COL6A1: variants seen among roughly 807,000 people sequenced by gnomAD.
COL6A1 encodes collagen type VI alpha 1 chain.
A neutral mutation model predicts 145.6 loss-of-function variants in COL6A1; 80 were observed. The ratio of observed to expected loss-of-function variants is 0.55; its 90% CI spans 0.46 to 0.66. The LOEUF (loss-of-function observed/expected upper bound fraction) is 0.66, where lower values mean the gene tolerates loss of function less well. COL6A1 is among the 30% of genes least tolerant of loss of function. The pLI is 0.00. For missense variants in COL6A1, 1,364 were observed against 1,473.8 expected (o/e 0.93, Z 1.22); for synonymous variants, 638 against 622.8 (o/e 1.02, Z -0.36).
rs568596125 is a variant in COL6A1, at chr21:46,001,978, G to T, written c.1974G>T (p.Ser658=). The T allele has an allele frequency of 6.2e-7, 1 of 1,612,444 alleles. No individual in the cohort carries two copies. Among genetic ancestry groups the T allele is most frequent in the East Asian group, 2.2e-5 (1 of 44,848 alleles). ...DELVKFEPGQ[S]YAGVVQYSHS... ...TCCCACAGTTCGAGCCAGGGCAGTC[G>T]TACGCGGGTGTGGTGCAGTACAGCC... Residue 658 remains serine, a synonymous_variant, in exon 31 of 35, where the codon TCG becomes TCT. Coordinates refer to ENST00000361866, the MANE Select transcript of COL6A1 (RefSeq NM_001848.3).
rs752579733 is a variant in COL6A1, at chr21:46,002,412, C to T, written c.2250+11C>T. On this transcript the variant is annotated intron_variant, in intron 32 of 34. Coordinates refer to ENST00000361866, the MANE Select transcript of COL6A1 (RefSeq NM_001848.3). ...AGCCCCGGCATCCAGGTGGGGTGGC[C>T]ACCCCCAGGCTGCACCTGCCCCGCC... 2 of 1,607,896 alleles carry T rather than the reference C, an allele frequency of 1.2e-6. No individual in the cohort carries two copies. Among genetic ancestry groups the T allele is most frequent in the Admixed American group, 3.4e-5 (2 of 58,966 alleles).
intron 2 of COL6A1, among the ~76,000 whole-genome samples, chr21:45,983,261 G>C (rs1236723688): frequency 6.6e-6 from 1 of 152,166 alleles, no homozygotes; most frequent in African/African-American, 2.4e-5. Context: ...TCGCTCTGCA[G>C]CCCCAGGGCC....
At position 46,001,367 on chromosome 21, in the gene COL6A1, G is replaced by C. The variant is rs2077844061; in HGVS notation, c.1937G>C (p.Ser646Thr). ...DFVVKVIDRLSRDELVKFEPG... is the reference protein window; with the variant it reads ...DFVVKVIDRLTRDELVKFEPG... The stretch of plus-strand genomic sequence containing the variant: ...GTCGTCAAGGTCATCGACCGGCTGA[G>C]CCGGGACGAGCTGGTCAAGGTGAGG... The change falls in exon 30 of 35, where the codon AGC becomes ACC. Residue 646 changes from serine to threonine, a missense_variant. Ser to Thr is a moderately conservative substitution (Grantham distance 58). Coordinates refer to ENST00000361866, the MANE Select transcript of COL6A1 (RefSeq NM_001848.3). The C allele has an allele frequency of 6.2e-7, 1 of 1,611,726 alleles. No homozygotes were observed. The highest frequency in any genetic ancestry group is 8.5e-7 in the Non-Finnish European group (1 of 1,179,858).
Position 45,997,755 on chromosome 21 carries a change from G to C in COL6A1, c.1517G>C (p.Gly506Ala). The change falls in exon 22 of 35, where the codon GGT becomes GCT. Residue 506 changes from glycine (G) to alanine (A), a missense_variant. Physicochemically the swap from Gly to Ala is moderately conservative, Grantham distance 60. Around this residue, in one of 3 missense-constraint regions of COL6A1, gnomAD observed 938 missense variants for 1,003.8 expected, o/e 0.93. Coordinates refer to ENST00000361866, the MANE Select transcript of COL6A1 (RefSeq NM_001848.3). ...CCCCCTGGAGACCCGGGGCTGATGGGTGAAAGGGTGAGTGTCCAACAGCTC... is the reference window on the plus strand; with the variant it reads ...CCCCCTGGAGACCCGGGGCTGATGGCTGAAAGGGTGAGTGTCCAACAGCTC... ...AGPPGDPGLM[G>A]ERGEDGPAGN... The C allele has an allele frequency of 6.3e-7, 1 of 1,590,980 alleles. No homozygotes were observed. Among genetic ancestry groups the C allele is most frequent in the Non-Finnish European group, 8.6e-7 (1 of 1,168,932 alleles).
chr21:45,985,865 A>C (rs1053296653), intron 3 of COL6A1, among the ~76,000 whole-genome samples: 4 of 152,164 alleles, frequency 2.6e-5, no homozygotes, highest in African/African-American at 7.2e-5. Flanking sequence ...TTGGAGTCTC[A>C]GGAAGTCGTC....
intron 17 of COL6A1, 43 bp from the exon 18 acceptor site, chr21:45,992,320 T>C: frequency 6.2e-7 from 1 of 1,613,764 alleles, no homozygotes; most frequent in Non-Finnish European, 8.5e-7. Context: ...AAATGCAGTG[T>C]GTCCACCAGA....
chr21:46,001,888 T>A, intron 30 of COL6A1, 73 bp from the exon 31 acceptor site: 1 of 1,363,542 alleles, frequency 7.3e-7, no homozygotes, highest in Non-Finnish European at 1.0e-6. Flanking sequence ...CCGCAGCCAA[T>A]AGAGTCACCC....
chr21:45,985,675 G>T (rs1301644600), intron 3 of COL6A1, among the ~76,000 whole-genome samples: 2 of 152,236 alleles, frequency 1.3e-5, no homozygotes, highest in Admixed American at 1.3e-4. Flanking sequence ...GAGGCCTCAG[G>T]ATCCCAGTGG....
In COL6A1 at chr21:45,999,146, C is replaced by T. The variant is rs2077823564; in HGVS notation, c.1675-7C>T. On this transcript the variant is annotated splice_region_variant and splice_polypyrimidine_tract_variant and intron_variant, in intron 25 of 34. Coordinates refer to ENST00000361866, the MANE Select transcript of COL6A1 (RefSeq NM_001848.3). ...CGGTCTGTTGACACAACGCTGTTCCCTTCTAGAACAACGACATTGCACCCC... is the reference window on the plus strand; with the variant it reads ...CGGTCTGTTGACACAACGCTGTTCCTTTCTAGAACAACGACATTGCACCCC... 1 of 1,594,552 alleles carries T rather than the reference C, an allele frequency of 6.3e-7. No homozygotes were observed. The highest frequency in any genetic ancestry group is 1.1e-5 in the South Asian group (1 of 87,874).
At chr21:45,982,373 G>T (rs1047879221) in intron 1 of COL6A1, among the ~76,000 whole-genome samples, 1 of 150,936 alleles carries the variant, frequency 6.6e-6, no homozygotes, top group Non-Finnish European at 1.5e-5. Flanking sequence ...GTCCGGTCCC[G>T]TGCCGGGGAC....
At position 45,991,047 on chromosome 21, in the gene COL6A1, TG is replaced by T. The variant is rs1422793064; in HGVS notation, c.1119+7del. The T allele has an allele frequency of 6.2e-7, 1 of 1,612,956 alleles. No individual in the cohort carries two copies. The highest frequency in any genetic ancestry group is 1.1e-5 in the South Asian group (1 of 91,068). ...TTGGACTGAAAGGAGAAAAGGTGAG[TG>T]ACTTGCGGCCCCTGGAGGACCAGGG... is the stretch of plus-strand genomic sequence containing the variant. On this transcript the variant is annotated splice_region_variant and intron_variant, in intron 15 of 34. Coordinates refer to ENST00000361866, the MANE Select transcript of COL6A1 (RefSeq NM_001848.3).
chr21:45,996,430 A>G lies in COL6A1; in HGVS notation c.1399-991A>G, dbSNP rs550827372. ...ACAGTCGGGGTAGAGAGAGCAATAC[A>G]CTAGATGCCTCCTGTCTGCCTGGTG... On this transcript the variant is annotated intron_variant, in intron 20 of 34. Transcript: ENST00000361866. 9.2e-4 allele frequency among the ~76,000 whole-genome samples: 140 copies of G among 152,310 alleles called. 1 individual carries two copies. The highest frequency in any genetic ancestry group is 3.1e-3 in the African/African-American group (130 of 41,576).
chr21:45,984,693 CAG>C (rs1302893222), intron 3 of COL6A1, among the ~76,000 whole-genome samples: 7 of 151,144 alleles, frequency 4.6e-5, no homozygotes, highest in Middle Eastern at 3.2e-3. Context: ...GAGACAGAGA[CAG>C]AGAGAGATAG....
chr21:46,002,190 C>T (rs1603594258), intron 31 of COL6A1, 28 bp from the exon 32 acceptor site: 2 of 1,582,126 alleles, frequency 1.3e-6, no homozygotes, highest in Non-Finnish European at 8.6e-7. Context: ...CTGGCCCCAA[C>T]CGGCCCTTCC....
intron 6 of COL6A1, 54 bp downstream of exon 6, chr21:45,987,229 C>G: frequency 6.3e-7 from 1 of 1,582,662 alleles, no homozygotes; most frequent in East Asian, 2.3e-5. Context: ...TCCACCCACA[C>G]GTCCACCTGT....
intron 8 of COL6A1, 126 bp from the exon 9 acceptor site, chr21:45,988,958 G>C (rs889728510): frequency 5.9e-5 from 65 of 1,094,166 alleles, no homozygotes; most frequent in Admixed American, 2.9e-4. Context: ...GATGTGATGG[G>C]GAAGGTGCTT....
chr21:46,001,466 CA>C, intron 30 of COL6A1, 80 bp downstream of exon 30: 1 of 1,572,250 alleles, frequency 6.4e-7, no homozygotes, highest in East Asian at 2.2e-5. Flanking sequence ...CGCCAGACCT[CA>C]GCCTCCCGAG....
Position 45,994,972 on chromosome 21 carries a change from C to G in COL6A1, c.1398+743C>G, listed in dbSNP as rs1312839122. 6.6e-6 allele frequency among the ~76,000 whole-genome samples: 1 copy of G among 152,230 alleles called. No individual in the cohort carries two copies. The highest frequency in any genetic ancestry group is 1.5e-5 in the Non-Finnish European group (1 of 68,046). On this transcript the variant is annotated intron_variant, in intron 20 of 34. Coordinates refer to ENST00000361866, the MANE Select transcript of COL6A1 (RefSeq NM_001848.3). This position sits in a 1 kb window ranked among gnomAD's most constrained non-coding sequence, Gnocchi z 6.8. Reference sequence around the variant, plus strand: ...TCCATGTGCGCAGCTGCCCACACACCGAGCACAAGGCCAGACCCTGGGCAC... The same window carrying G: ...TCCATGTGCGCAGCTGCCCACACACGGAGCACAAGGCCAGACCCTGGGCAC...
Position 46,003,902 on chromosome 21 carries a change from C to G in COL6A1, c.2976C>G (p.Ala992=). ...GCGTCCTGGTCACCGGCAAGACGGC[C>G]GAGTACGACGTGGCCTACGGCGAGA... ...HIRVLVTGKT[A]EYDVAYGESH... is the part of the protein sequence containing the mutation. The change falls in exon 35 of 35, where the codon GCC becomes GCG. Residue 992 remains alanine, a synonymous_variant. Coordinates refer to ENST00000361866, the MANE Select transcript of COL6A1 (RefSeq NM_001848.3). 2 of 1,603,004 alleles carry G rather than the reference C, an allele frequency of 1.2e-6. No homozygotes were observed. Among genetic ancestry groups the G allele is most frequent in the Non-Finnish European group, 1.7e-6 (2 of 1,172,506 alleles).
Sources: allele counts gnomAD v4.1 joint callset (sites outside exome capture counted in the v4.1 genomes callset), GRCh38; gene constraint gnomAD v4.1.1; regional missense constraint gnomAD v4.1.1; non-coding constraint Gnocchi (gnomAD v3.1); transcripts MANE v1.5; gene names NCBI Gene and HGNC (gene_info 2026-07-23, HGNC 2026-07-21).